Variants in GMDS observed in about 807,000 individuals in gnomAD.
GMDS encodes the protein GDP-mannose 4,6 dehydratase.
In GMDS, 20 loss-of-function variants were observed where a neutral mutation model predicts 49.9. That is an observed-to-expected ratio of 0.40 (90% CI 0.28 to 0.58). The LOEUF is 0.58. GMDS is among the 20% of genes least tolerant of loss of function. The pLI is 0.42. For synonymous variants in GMDS, 177 were observed against 178.6 expected (o/e 0.99, Z 0.07); for missense variants, 362 against 481.4 (o/e 0.75, Z 2.32).
At chr6:1,965,463 A>G (rs1365695487) in intron 4 of GMDS, among the ~76,000 whole-genome samples, 3 of 152,224 alleles carry the variant, frequency 2.0e-5, no homozygotes, top group African/African-American at 7.2e-5. Flanking sequence ...ATAAAGTAAC[A>G]AATTAAGTGG....
At chr6:1,695,917 T>C (rs1478314008) in intron 9 of GMDS, among the ~76,000 whole-genome samples, 3 of 148,260 alleles carry the variant, frequency 2.0e-5, no homozygotes, top group African/African-American at 5.1e-5. Context: ...GTTTTTTTTT[T>C]TTTTTCTTTT....
intron 4 of GMDS, among the ~76,000 whole-genome samples, chr6:1,992,096 T>C (rs1765984037): frequency 6.6e-6 from 1 of 152,198 alleles, no homozygotes; most frequent in Non-Finnish European, 1.5e-5. Context: ...TAAATGCCTT[T>C]TGTTTAAGCC....
chr6:1,927,054 T>C (rs1358372041), intron 7 of GMDS, among the ~76,000 whole-genome samples: 1 of 101,864 alleles, frequency 9.8e-6, no homozygotes, highest in African/African-American at 3.1e-5. Flanking sequence ...AGCGTGTTGA[T>C]GTATTTTTAT....
intron 1 of GMDS, among the ~76,000 whole-genome samples, chr6:2,207,356 C>A (rs1779851440): frequency 6.6e-6 from 1 of 151,988 alleles, no homozygotes; most frequent in Admixed American, 6.6e-5. Context: ...CCACAAAGCA[C>A]TGTCACTTAT....
intron 8 of GMDS, among the ~76,000 whole-genome samples, chr6:1,741,667 C>T (rs370648552): frequency 1.1e-4 from 17 of 151,382 alleles, no homozygotes; most frequent in African/African-American, 4.1e-4. Context: ...CAAAAATTAG[C>T]TGGGCATGGT....
At chr6:2,132,808 T>C (rs1250577573) in intron 1 of GMDS, among the ~76,000 whole-genome samples, 1 of 152,194 alleles carries the variant, frequency 6.6e-6, no homozygotes, top group Non-Finnish European at 1.5e-5. Context: ...CTGATGTGAG[T>C]AACTCCTTTC....
intron 7 of GMDS, among the ~76,000 whole-genome samples, chr6:1,906,758 T>G (rs981230310): frequency 2.6e-5 from 4 of 151,758 alleles, no homozygotes; most frequent in African/African-American, 7.3e-5. Flanking sequence ...AGGAAAGGAG[T>G]AGGAGCTCTC....
intron 1 of GMDS, among the ~76,000 whole-genome samples, chr6:2,198,606 T>C (rs969014058): frequency 1.3e-5 from 2 of 151,170 alleles, no homozygotes; most frequent in African/African-American, 4.9e-5. Context: ...AAAGTAATGC[T>C]GCAGAGAAGA....
intron 4 of GMDS, among the ~76,000 whole-genome samples, chr6:2,016,657 A>G (rs1199797283): frequency 6.6e-6 from 1 of 152,212 alleles, no homozygotes; most frequent in South Asian, 2.1e-4. Context: ...TGCTCATGTA[A>G]TAAGACTATA....
At chr6:1,661,248 C>A (rs1397958842) in intron 9 of GMDS, among the ~76,000 whole-genome samples, 1 of 152,126 alleles carries the variant, frequency 6.6e-6, no homozygotes, top group Non-Finnish European at 1.5e-5. Flanking sequence ...TGCCATAGAT[C>A]CCTGAGTGGA....
At chr6:1,915,072 C>G (rs9503046) in intron 7 of GMDS, among the ~76,000 whole-genome samples, 1 of 152,196 alleles carries the variant, frequency 6.6e-6, no homozygotes, top group African/African-American at 2.4e-5. Context: ...GCCTCGCATG[C>G]CCTTAGACCT....
At chr6:2,050,972 G>A (rs968779165) in intron 4 of GMDS, among the ~76,000 whole-genome samples, 2 of 152,098 alleles carry the variant, frequency 1.3e-5, no homozygotes, top group Non-Finnish European at 2.9e-5. Flanking sequence ...GTGTGGGGCT[G>A]GGGGAGGGAT....
chr6:1,796,939 G>A, intron 7 of GMDS, among the ~76,000 whole-genome samples: 1 of 152,214 alleles, frequency 6.6e-6, no homozygotes. Context: ...GCTCAAAAAT[G>A]TAGGAAGAAT....
intron 1 of GMDS, among the ~76,000 whole-genome samples, chr6:2,190,645 C>T (rs949470582): frequency 2.9e-4 from 44 of 152,310 alleles, no homozygotes; most frequent in African/African-American, 1.1e-3. Flanking sequence ...TGACACAGCA[C>T]ATGTTTTTTT....
At chr6:2,078,584 C>T (rs182041320) in intron 4 of GMDS, among the ~76,000 whole-genome samples, 51 of 152,042 alleles carry the variant, frequency 3.4e-4, no homozygotes, top group African/African-American at 1.2e-3. Context: ...TCCAAAGATC[C>T]TCTTGATATT....
At chr6:2,076,355 A>G (rs1772337713) in intron 4 of GMDS, among the ~76,000 whole-genome samples, 1 of 152,172 alleles carries the variant, frequency 6.6e-6, no homozygotes, top group Non-Finnish European at 1.5e-5. Context: ...TATAGATTCA[A>G]TGCCATCCCC....
At chr6:1,896,031 GA>G (rs1760158795) in intron 7 of GMDS, among the ~76,000 whole-genome samples, 1 of 152,028 alleles carries the variant, frequency 6.6e-6, no homozygotes, top group Non-Finnish European at 1.5e-5. Flanking sequence ...TATGGAAAAG[GA>G]AAAAGAGGAA....
chr6:2,004,114 T>C (rs1021177225), intron 4 of GMDS, among the ~76,000 whole-genome samples: 2 of 152,214 alleles, frequency 1.3e-5, no homozygotes, highest in African/African-American at 4.8e-5. Context: ...TCTGGACATA[T>C]ATCTCTACAT....
Position 2,121,107 on chromosome 6 carries a change from G to A in GMDS, c.148-3551C>T, listed in dbSNP as rs779065092. Among the ~76,000 whole-genome samples, 149 of 152,262 alleles carry A rather than the reference G, an allele frequency of 9.8e-4. 1 individual carries two copies. Among genetic ancestry groups the A allele is most frequent in the Non-Finnish European group, 1.6e-3 (111 of 68,002 alleles). On this transcript the variant is annotated intron_variant, in intron 2 of 10. Coordinates refer to ENST00000380815, the MANE Select transcript of GMDS (RefSeq NM_001500.4). Reference sequence around the variant, plus strand: ...GGTTGAGTGACTTGCCCAGGGTCACGGAGCCTGAAAGTGGCAGAGGAAGAG... The same window carrying A: ...GGTTGAGTGACTTGCCCAGGGTCACAGAGCCTGAAAGTGGCAGAGGAAGAG...
Sources: gnomAD v4.1 joint callset for allele counts (sites outside exome capture counted in the v4.1 genomes callset) on GRCh38, gnomAD v4.1.1 for gene constraint, MANE v1.5 for transcripts, NCBI Gene and HGNC (gene_info 2026-07-23, HGNC 2026-07-21) for gene names.